TANC1: variants seen among roughly 807,000 people sequenced by gnomAD.
TANC1 encodes protein TANC1.
In TANC1, 77 loss-of-function variants were observed where a neutral mutation model predicts 149.7. That is an observed-to-expected ratio of 0.51 (90% confidence interval 0.43 to 0.62). TANC1 has a LOEUF of 0.62. Among genes scored for constraint, TANC1 ranks in the 20% least tolerant of loss-of-function variants. The probability of loss-of-function intolerance (pLI) is 0.00; values close to 1 mark genes in which losing one functional copy is unlikely to be tolerated. For missense variants in TANC1, 1,985 were observed against 2,321.8 expected (o/e 0.85, Z 2.98); for synonymous variants, 854 against 925.0 (o/e 0.92, Z 1.39).
chr2:159,132,696 A>C, intron 4 of TANC1, among the ~76,000 whole-genome samples: 1 of 139,724 alleles, frequency 7.2e-6, no homozygotes, highest in African/African-American at 2.7e-5. Flanking sequence ...ATGGGGTTTC[A>C]CTATGTTACC....
At chr2:159,032,236 A>G (rs2039839760) in intron 2 of TANC1, among the ~76,000 whole-genome samples, 1 of 152,216 alleles carries the variant, frequency 6.6e-6, no homozygotes, top group African/African-American at 2.4e-5. Flanking sequence ...ATGGGAGAGT[A>G]CTCAGATGGA....
chr2:159,174,901 A>C, intron 11 of TANC1, 52 bp from the exon 12 acceptor site: 10 of 1,388,176 alleles, frequency 7.2e-6, no homozygotes, highest in Non-Finnish European at 9.2e-6. Flanking sequence ...AGATTGCAGA[A>C]GGAGCTGTGT....
chr2:159,075,252 A>G (rs191408885), intron 3 of TANC1, among the ~76,000 whole-genome samples: 60 of 152,304 alleles, frequency 3.9e-4, no homozygotes, highest in Middle Eastern at 3.4e-3. Flanking sequence ...CATGCCTAAT[A>G]TTTATATACT....
At chr2:159,147,221 G>GAA (rs2052233295) in intron 5 of TANC1, among the ~76,000 whole-genome samples, 1 of 152,234 alleles carries the variant, frequency 6.6e-6, no homozygotes, top group Non-Finnish European at 1.5e-5. Flanking sequence ...GGTTGAACCA[G>GAA]AAGCTAGACA....
At chr2:159,132,352 G>A (rs542808961) in intron 4 of TANC1, among the ~76,000 whole-genome samples, 1 of 152,160 alleles carries the variant, frequency 6.6e-6, no homozygotes, top group Non-Finnish European at 1.5e-5. Flanking sequence ...TGGGAACCAG[G>A]TGGGCCTGGT....
At chr2:159,004,145 A>G (rs1403667709) in intron 2 of TANC1, 2 of 1,612,250 alleles carry the variant, frequency 1.2e-6, no homozygotes, top group Admixed American at 1.7e-5. Context: ...TGCTTCCTGG[A>G]ATATTAAGTC....
In TANC1 at chr2:158,981,493, AT is replaced by A. The variant is rs1330657699; in HGVS notation, c.-126+12712del. Among the ~76,000 whole-genome samples, 360 of 48,540 alleles carry A rather than the reference AT, an allele frequency of 7.4e-3. 30 individuals carry two copies. The highest frequency in any genetic ancestry group is 0.013 in the East Asian group (32 of 2,462). 31.8% of individuals were successfully genotyped at this position (48,540 alleles called of 152,430 possible). A position where few individuals can be genotyped will look rare whatever the true frequency, so the allele number is the denominator to read the frequency against. ...GTTTAGCAATTAATATATAGCTTTT[AT>A]ATATATATATATATATATATATATA... On this transcript the variant is annotated intron_variant, in intron 1 of 26. Coordinates refer to ENST00000263635, the MANE Select transcript of TANC1 (RefSeq NM_033394.3).
At chr2:159,043,799 A>C (rs992460644) in intron 2 of TANC1, among the ~76,000 whole-genome samples, 5 of 152,196 alleles carry the variant, frequency 3.3e-5, no homozygotes, top group African/African-American at 1.2e-4. Flanking sequence ...TATCATTTTC[A>C]TTCTTCTACT....
chr2:159,009,032 C>T (rs1047755226), intron 2 of TANC1, among the ~76,000 whole-genome samples: 9 of 152,132 alleles, frequency 5.9e-5, no homozygotes, highest in African/African-American at 2.2e-4. Flanking sequence ...AAGAAGGCAG[C>T]AATTTCAGAC....
chr2:159,194,998 A>G (rs2357048), intron 17 of TANC1, among the ~76,000 whole-genome samples: 2,189 of 152,312 alleles, frequency 0.014, 46 homozygotes, highest in African/African-American at 0.041. Flanking sequence ...TTGAGCCTAT[A>G]TATGACTTCA....
At chr2:158,988,852 C>T (rs2035312774) in intron 1 of TANC1, among the ~76,000 whole-genome samples, 1 of 152,306 alleles carries the variant, frequency 6.6e-6, no homozygotes, top group African/African-American at 2.4e-5. Flanking sequence ...CTGCCACCTC[C>T]TGCGGTGCTG....
At chr2:159,013,322 A>G (rs1487662324) in intron 2 of TANC1, among the ~76,000 whole-genome samples, 1 of 152,210 alleles carries the variant, frequency 6.6e-6, no homozygotes, top group Non-Finnish European at 1.5e-5. Context: ...GGTGAGACAC[A>G]GAGGATCACA....
At chr2:159,093,171 G>T (rs951417539) in intron 3 of TANC1, among the ~76,000 whole-genome samples, 1 of 152,316 alleles carries the variant, frequency 6.6e-6, no homozygotes, top group Admixed American at 6.5e-5. Flanking sequence ...AGGTTGCATC[G>T]TCCTACCTGG....
rs759065591 is a variant in TANC1 at position 159,150,480 on chromosome 2, G to A, written c.606G>A (p.Thr202=). 1.6e-5 allele frequency: 26 copies of A among 1,614,016 alleles called. No individual in the cohort carries two copies. The highest frequency in any genetic ancestry group is 1.7e-4 in the Middle Eastern group (1 of 6,058). ...CSTLNSCVSK[T]AANKSPCETI... ...CCTTGAATAGCTGTGTCAGCAAGAC[G>A]GCAGCCAACAAAAGTCCCTGTGAGA... Residue 202 remains threonine, a synonymous_variant, in exon 7 of 27, where the codon ACG becomes ACA. Coordinates refer to ENST00000263635, the MANE Select transcript of TANC1 (RefSeq NM_033394.3).
At chr2:159,212,260 C>T (rs994154612) in intron 19 of TANC1, among the ~76,000 whole-genome samples, 1 of 152,170 alleles carries the variant, frequency 6.6e-6, no homozygotes, top group Non-Finnish European at 1.5e-5. Context: ...GGAGCCCATG[C>T]GTCTTTGTTT....
Position 159,020,301 on chromosome 2 carries a change from A to G in TANC1, c.-16+19112A>G, listed in dbSNP as rs534019634. ...GCCAATTTTTGTATTTTTCGTAGAG[A>G]CAGGGTTTCGCCTTGTTGGCCAGGC... On this transcript the variant is annotated intron_variant, in intron 2 of 26. Transcript: ENST00000263635. 3.9e-5 allele frequency among the ~76,000 whole-genome samples: 6 copies of G among 152,108 alleles called. No homozygotes were observed. In the South Asian group the frequency reaches 8.3e-4, roughly 21 times the overall value.
chr2:159,173,275 TC>T (rs1457567558), intron 11 of TANC1, among the ~76,000 whole-genome samples: 4 of 152,168 alleles, frequency 2.6e-5, no homozygotes, highest in Admixed American at 6.5e-5. Context: ...ACTCTAGTGT[TC>T]CTAAGTTTAT....
intron 1 of TANC1, among the ~76,000 whole-genome samples, chr2:158,998,988 C>T (rs1484557344): frequency 6.6e-6 from 1 of 152,134 alleles, no homozygotes; most frequent in Admixed American, 6.5e-5. Flanking sequence ...TCCCTGAAGG[C>T]CACAGACTTG....
chr2:159,037,837 G>T (rs2040321502), intron 2 of TANC1, among the ~76,000 whole-genome samples: 1 of 152,208 alleles, frequency 6.6e-6, no homozygotes, highest in Non-Finnish European at 1.5e-5. Flanking sequence ...TGGCAATGGA[G>T]GCTCTTTTTT....
Sources: allele counts gnomAD v4.1 joint callset (sites outside exome capture counted in the v4.1 genomes callset), GRCh38; gene constraint gnomAD v4.1.1; transcripts MANE v1.5; gene names NCBI Gene and HGNC (gene_info 2026-07-23, HGNC 2026-07-21).